Variants in KDM5A observed in about 807,000 individuals in gnomAD.
KDM5A encodes lysine-specific demethylase 5A.
In KDM5A, 42 loss-of-function variants were observed where a neutral mutation model predicts 193.5. The ratio of observed to expected loss-of-function variants is 0.22; its 90% CI spans 0.17 to 0.28. The LOEUF (loss-of-function observed/expected upper bound fraction) is 0.28, where lower values mean the gene tolerates loss of function less well. Among genes scored for constraint, KDM5A ranks in the 10% least tolerant of loss-of-function variants. KDM5A has a pLI of 1.00. For missense variants in KDM5A, 1,692 were observed against 2,055.1 expected, an observed-to-expected ratio of 0.82 and a Z score of 3.42; for synonymous variants, 796 against 718.1, an observed-to-expected ratio of 1.11 and a Z score of -1.73.
At chr12:301,722 A>G (rs1943443377) in intron 24 of KDM5A, among the ~76,000 whole-genome samples, 1 of 152,238 alleles carries the variant, frequency 6.6e-6, no homozygotes, top group African/African-American at 2.4e-5. Context: ...TCAAATAGGA[A>G]CAGAGGAAGT....
chr12:389,041 T>C lies in KDM5A; in HGVS notation c.51A>G (p.Pro17=), dbSNP rs1228340514. The C allele has an allele frequency of 2.8e-6, 4 of 1,437,574 alleles. No individual in the cohort carries two copies. Among genetic ancestry groups the C allele is most frequent in the Non-Finnish European group, 1.9e-6 (2 of 1,067,386 alleles). 89.1% of individuals were successfully genotyped at this position (1,437,574 alleles called of 1,614,324 possible). Residue 17 remains proline (P), a synonymous_variant, in exon 1 of 28, where the codon CCA becomes CCG. Transcript: ENST00000399788. ...GGYAAEFVPP[P]ECPVFEPSWE... ...AACTCGGCTCAAAGACGGGGCACTCTGGCGGTGGCACGAACTCCGCCGCGT... is the reference window on the plus strand; with the variant it reads ...AACTCGGCTCAAAGACGGGGCACTCCGGCGGTGGCACGAACTCCGCCGCGT...
chr12:318,549 C>CAATT, intron 18 of KDM5A, 88 bp from the exon 19 acceptor site: 1 of 874,440 alleles, frequency 1.1e-6, no homozygotes, highest in Admixed American at 1.9e-5. Flanking sequence ...GGCAAACTAT[C>CAATT]AATTCTAGAC....
rs114300686 is a variant in KDM5A, at chr12:319,157, G to A, written c.2542-696C>T. Among the ~76,000 whole-genome samples, 809 of 152,250 alleles carry A rather than the reference G, an allele frequency of 5.3e-3. 8 individuals carry two copies. Among genetic ancestry groups the A allele is most frequent in the African/African-American group, 0.018 (763 of 41,540 alleles). On this transcript the variant is annotated intron_variant, in intron 18 of 27. Transcript: ENST00000399788. The stretch of plus-strand genomic sequence containing the variant: ...TTGAATTTCATTCAAATGGCTTTGG[G>A]GAACCACTGGAGAATTTTTACCATA...
In KDM5A at chr12:284,586, T is replaced by C. The variant is rs574193851; in HGVS notation, c.*870A>G. ...TGAAGTTTTCCCCGAAAAGCATGCA[T>C]CACTGTGGCTCAGTAAGATAGTACG... On this transcript the variant is annotated 3_prime_UTR_variant, in exon 28 of 28. Coordinates refer to ENST00000399788, the MANE Select transcript of KDM5A (RefSeq NM_001042603.3). 2.4e-4 allele frequency: 57 copies of C among 233,018 alleles called. No individual in the cohort carries two copies. The highest frequency in any genetic ancestry group is 1.3e-3 in the Middle Eastern group (1 of 784). 14.4% of individuals were successfully genotyped at this position (233,018 alleles called of 1,614,324 possible).
At chr12:310,271 T>C (rs1943566805) in intron 21 of KDM5A, among the ~76,000 whole-genome samples, 1 of 152,202 alleles carries the variant, frequency 6.6e-6, no homozygotes, top group African/African-American at 2.4e-5. Flanking sequence ...TCTTAACTAC[T>C]ATGTTCAACT....
At chr12:384,244 A>G (rs959430726) in intron 2 of KDM5A, 91 bp from the exon 3 acceptor site, 10 of 928,924 alleles carry the variant, frequency 1.1e-5, no homozygotes, top group African/African-American at 3.3e-5. Flanking sequence ...GATGTGGACC[A>G]GTACCCATCA....
chr12:357,256 G>A (rs1023279660), intron 5 of KDM5A, among the ~76,000 whole-genome samples: 2 of 151,114 alleles, frequency 1.3e-5, no homozygotes, highest in African/African-American at 4.9e-5. Context: ...CACCCTGGGT[G>A]ACAGACAAGC....
intron 15 of KDM5A, 93 bp downstream of exon 15, chr12:323,507 G>T: frequency 7.9e-7 from 1 of 1,271,486 alleles, no homozygotes; most frequent in Non-Finnish European, 1.1e-6. Flanking sequence ...GAAGTCCAGA[G>T]TAAAGGAGTA....
intron 3 of KDM5A, among the ~76,000 whole-genome samples, chr12:377,426 C>A (rs1008995429): frequency 1.3e-4 from 20 of 151,836 alleles, no homozygotes; most frequent in Admixed American, 2.0e-4. Context: ...TAAACACATA[C>A]CAATGCATAT....
At chr12:387,942 G>A (rs1222915748) in intron 1 of KDM5A, among the ~76,000 whole-genome samples, 1 of 151,982 alleles carries the variant, frequency 6.6e-6, no homozygotes, top group Non-Finnish European at 1.5e-5. Flanking sequence ...AAAACATAAA[G>A]CAAAATGCCT....
At chr12:373,233 TG>T (rs1944455383) in intron 3 of KDM5A, among the ~76,000 whole-genome samples, 1 of 152,202 alleles carries the variant, frequency 6.6e-6, no homozygotes, top group African/African-American at 2.4e-5. Flanking sequence ...GGACTGTTTT[TG>T]GTTGGTAGGC....
At chr12:340,552 G>C (rs988540290) in intron 10 of KDM5A, among the ~76,000 whole-genome samples, 2 of 152,110 alleles carry the variant, frequency 1.3e-5, no homozygotes, top group South Asian at 2.1e-4. Flanking sequence ...AAAATTAGCT[G>C]GGCATGGTGG....
rs750805527 is a variant in KDM5A, at chr12:310,894, T to C, written c.3207A>G (p.Thr1069=). Reference sequence around the variant, plus strand: ...GTTGAAGTTCAAGTACCTGTAACAATGTATGGCTAGAATTCTTCTTAAGAA... The same window carrying C: ...GTTGAAGTTCAAGTACCTGTAACAACGTATGGCTAGAATTCTTCTTAAGAA... ...RTFLKKNSSH[T]LLQVLSPRTD... is the part of the protein sequence containing the mutation. The change falls in exon 21 of 28, where the codon ACA becomes ACG. Residue 1069 remains threonine, a synonymous_variant. Transcript: ENST00000399788. 38 of 1,614,082 alleles carry C rather than the reference T, an allele frequency of 2.4e-5. No individual in the cohort carries two copies. Among genetic ancestry groups the C allele is most frequent in the South Asian group, 5.5e-5 (5 of 91,092 alleles).
chr12:330,085 G>GTGTATA (rs377271333), intron 13 of KDM5A, among the ~76,000 whole-genome samples: 103 of 139,374 alleles, frequency 7.4e-4, no homozygotes, highest in African/African-American at 2.0e-3. Flanking sequence ...GTGTGTGTGT[G>GTGTATA]TATATATATA....
chr12:341,910 A>G (rs1253793538), intron 10 of KDM5A, among the ~76,000 whole-genome samples: 1 of 142,544 alleles, frequency 7.0e-6, no homozygotes, highest in African/African-American at 2.6e-5. Flanking sequence ...AAAAAAAAAA[A>G]AAGAGAGAGA....
At chr12:322,379 A>G in intron 17 of KDM5A, 38 bp downstream of exon 17, 1 of 1,600,696 alleles carries the variant, frequency 6.2e-7, no homozygotes, top group Non-Finnish European at 8.5e-7. Context: ...TGAAAGAAAC[A>G]GGAAAACACT....
intron 10 of KDM5A, among the ~76,000 whole-genome samples, chr12:348,241 G>A (rs966024644): frequency 1.6e-4 from 25 of 152,136 alleles, no homozygotes; most frequent in Non-Finnish European, 2.9e-4. Flanking sequence ...TTAGAATGGC[G>A]ATCATTAAAA....
intron 2 of KDM5A, among the ~76,000 whole-genome samples, chr12:385,542 C>G (rs1944629128): frequency 6.6e-6 from 1 of 152,020 alleles, no homozygotes; most frequent in African/African-American, 2.4e-5. Flanking sequence ...ACTCTGAAAA[C>G]TAGGGTTTTA....
chr12:319,653 C>A (rs191333476), intron 18 of KDM5A, among the ~76,000 whole-genome samples: 259 of 152,054 alleles, frequency 1.7e-3, no homozygotes, highest in Middle Eastern at 6.8e-3. Flanking sequence ...ACTTGGGAGG[C>A]TGAGGTGGGA....
Sources: gnomAD v4.1 joint callset for allele counts (sites outside exome capture counted in the v4.1 genomes callset) on GRCh38, gnomAD v4.1.1 for gene constraint, MANE v1.5 for transcripts, NCBI Gene and HGNC (gene_info 2026-07-23, HGNC 2026-07-21) for gene names.